Variants in CAPRIN1 observed in about 807,000 individuals in gnomAD.
CAPRIN1 encodes cell cycle associated protein 1, also known as caprin-1.
CAPRIN1 carries 29 observed loss-of-function variants against 100.9 expected under a neutral mutation model. The ratio of observed to expected loss-of-function variants is 0.29; its 90% CI spans 0.21 to 0.39. The LOEUF is 0.39. Among genes scored for constraint, CAPRIN1 ranks in the 10% least tolerant of loss-of-function variants. The probability of loss-of-function intolerance (pLI) is 1.00; values close to 1 mark genes in which losing one functional copy is unlikely to be tolerated. For missense variants in CAPRIN1, 795 were observed against 876.7 expected (o/e 0.91, Z 1.18); for synonymous variants, 338 against 307.5 (o/e 1.10, Z -1.04).
At position 34,100,740 on chromosome 11, in the gene CAPRIN1, A is replaced by G. The variant is rs1337467950; in HGVS notation, c.*1373A>G. 2 of 152,614 alleles carry G rather than the reference A, an allele frequency of 1.3e-5. No homozygotes were observed. The highest frequency in any genetic ancestry group is 2.9e-5 in the Non-Finnish European group (2 of 68,024). The allele number at this position is 152,614 out of a possible 1,614,324, so 9.5% of individuals were successfully genotyped here. A position where few individuals can be genotyped will look rare whatever the true frequency, so the allele number is the denominator to read the frequency against. On this transcript the variant is annotated 3_prime_UTR_variant, in exon 19 of 19. Transcript: ENST00000341394. ...GGGAGAGTCTCTAAATTTGATGGAA[A>G]TGGACACTTGAGTAGTGACTTAGCC... is the stretch of plus-strand genomic sequence containing the variant.
intron 2 of CAPRIN1, among the ~76,000 whole-genome samples, chr11:34,069,155 T>G (rs1277851209): frequency 2.6e-5 from 4 of 151,348 alleles, no homozygotes; most frequent in Admixed American, 1.3e-4. Flanking sequence ...TATTTAGTTT[T>G]TTTTTTTTTT....
chr11:34,081,262 G>A (rs1376167537), intron 7 of CAPRIN1, among the ~76,000 whole-genome samples: 1 of 150,272 alleles, frequency 6.7e-6, no homozygotes, highest in African/African-American at 2.5e-5. Context: ...GTGCAGTGGT[G>A]TGATCCTGAC....
chr11:34,068,811 A>G (rs539769054), intron 2 of CAPRIN1, among the ~76,000 whole-genome samples: 1 of 152,084 alleles, frequency 6.6e-6, no homozygotes, highest in Admixed American at 6.6e-5. Context: ...TTTTATATTT[A>G]TTTTCATCGC....
chr11:34,054,687 A>G (rs1236911935), intron 2 of CAPRIN1, among the ~76,000 whole-genome samples: 2 of 152,196 alleles, frequency 1.3e-5, no homozygotes, highest in South Asian at 4.1e-4. Flanking sequence ...TTGGTCTTCC[A>G]AAGTGCTGTT....
At position 34,102,426 on chromosome 11, in the gene CAPRIN1, C is replaced by T. The variant is rs1851466473; in HGVS notation, c.*3059C>T. On this transcript the variant is annotated 3_prime_UTR_variant, in exon 19 of 19. Coordinates refer to ENST00000341394, the MANE Select transcript of CAPRIN1 (RefSeq NM_005898.5). ...TTAGTTGATTATAAGTTAGATTTCACAGAATCAGTATTGCCCTTGATCTTG... is the reference window on the plus strand; with the variant it reads ...TTAGTTGATTATAAGTTAGATTTCATAGAATCAGTATTGCCCTTGATCTTG... Among the ~76,000 whole-genome samples the T allele has an allele frequency of 6.6e-6, 1 of 152,182 alleles. No individual in the cohort carries two copies. Among genetic ancestry groups the T allele is most frequent in the Non-Finnish European group, 1.5e-5 (1 of 68,022 alleles).
intron 9 of CAPRIN1, among the ~76,000 whole-genome samples, chr11:34,085,638 C>T (rs963358848): frequency 2.0e-5 from 3 of 151,804 alleles, no homozygotes; most frequent in South Asian, 2.1e-4. Context: ...ACCCTGTCTC[C>T]GCTAAAAATA....
chr11:34,079,843 T>G, intron 7 of CAPRIN1, 78 bp downstream of exon 7: 8 of 1,350,520 alleles, frequency 5.9e-6, no homozygotes, highest in Non-Finnish European at 8.1e-6. Flanking sequence ...AACTATACAC[T>G]TACTTAGTTT....
At chr11:34,083,872 A>T (rs1851080554) in intron 9 of CAPRIN1, among the ~76,000 whole-genome samples, 1 of 152,180 alleles carries the variant, frequency 6.6e-6, no homozygotes, top group Non-Finnish European at 1.5e-5. Flanking sequence ...GTTAGAGACC[A>T]GCCTGGCCAG....
At chr11:34,058,201 A>G (rs1189496853) in intron 2 of CAPRIN1, among the ~76,000 whole-genome samples, 2 of 151,918 alleles carry the variant, frequency 1.3e-5, no homozygotes, top group Admixed American at 6.6e-5. Flanking sequence ...CAGTGGTGCA[A>G]TCTCAGCTCA....
chr11:34,065,539 C>T (rs576912133), intron 2 of CAPRIN1, among the ~76,000 whole-genome samples: 2 of 152,178 alleles, frequency 1.3e-5, no homozygotes, highest in African/African-American at 4.8e-5. Flanking sequence ...GCTGATGTTG[C>T]TGGTTTGGGG....
intron 2 of CAPRIN1, among the ~76,000 whole-genome samples, chr11:34,055,500 G>T (rs899209778): frequency 6.6e-6 from 1 of 152,106 alleles, no homozygotes; most frequent in Non-Finnish European, 1.5e-5. Flanking sequence ...ACTAATTTTT[G>T]TATTTTTAGT....
intron 2 of CAPRIN1, chr11:34,052,940 G>A (rs1850359542): frequency 1.6e-6 from 2 of 1,229,490 alleles, no homozygotes; most frequent in East Asian, 5.0e-5. Context: ...TGAGGGTGGG[G>A]GCCTGTCGTC....
At chr11:34,052,958 C>A (rs2134075848) in intron 2 of CAPRIN1, 2 of 1,177,604 alleles carry the variant, frequency 1.7e-6, no homozygotes, top group East Asian at 6.3e-5. Context: ...GTCAGGACTT[C>A]ACTGTATGGT....
Position 34,086,430 on chromosome 11 carries a change from T to A in CAPRIN1, c.1231+17T>A. ...GCCCTCCAGGTTAGTAGTGGTACAT[T>A]TTTATGTGAGAGAGAAATATAAGGC... On this transcript the variant is annotated intron_variant, in intron 11 of 18. Transcript: ENST00000341394. 1.4e-6 allele frequency: 2 copies of A among 1,432,112 alleles called. No individual in the cohort carries two copies. The highest frequency in any genetic ancestry group is 1.9e-6 in the Non-Finnish European group (2 of 1,032,228). 88.7% of individuals were successfully genotyped at this position (1,432,112 alleles called of 1,614,324 possible).
intron 9 of CAPRIN1, 85 bp from the exon 10 acceptor site, chr11:34,085,979 T>C: frequency 9.5e-7 from 1 of 1,050,472 alleles, no homozygotes; most frequent in Non-Finnish European, 1.4e-6. Context: ...AGATGGTTTA[T>C]GTAGTGTGGG....
At chr11:34,077,241 G>A (rs1216107636) in intron 6 of CAPRIN1, among the ~76,000 whole-genome samples, 3 of 152,182 alleles carry the variant, frequency 2.0e-5, no homozygotes, top group Admixed American at 6.5e-5. Context: ...TAACTTAACT[G>A]TGTTTGAGGT....
chr11:34,066,189 T>A (rs1397468143), intron 2 of CAPRIN1, among the ~76,000 whole-genome samples: 2 of 152,172 alleles, frequency 1.3e-5, no homozygotes. Flanking sequence ...TTGCCTGGGC[T>A]GGTCTTGAAC....
rs141275612 is a variant in CAPRIN1, at chr11:34,070,235, G to A, written c.217-1491G>A. 5.9e-3 allele frequency among the ~76,000 whole-genome samples: 905 copies of A among 152,202 alleles called. 7 individuals carry two copies. Among genetic ancestry groups the A allele is most frequent in the African/African-American group, 0.021 (852 of 41,516 alleles). On this transcript the variant is annotated intron_variant, in intron 2 of 18. Transcript: ENST00000341394. ...AAGTTTTAATCTTAGCAAGAAAATGGGATCTTAAACCAGATGTTAGTTTTC... is the reference window on the plus strand; with the variant it reads ...AAGTTTTAATCTTAGCAAGAAAATGAGATCTTAAACCAGATGTTAGTTTTC...
intron 2 of CAPRIN1, among the ~76,000 whole-genome samples, chr11:34,070,367 C>T (rs1025698522): frequency 8.5e-5 from 13 of 152,156 alleles, no homozygotes; most frequent in African/African-American, 2.7e-4. Context: ...AGACAATATG[C>T]CCATGAGTTT....
Sources: allele counts gnomAD v4.1 joint callset (sites outside exome capture counted in the v4.1 genomes callset), GRCh38; gene constraint gnomAD v4.1.1; transcripts MANE v1.5; gene names NCBI Gene and HGNC (gene_info 2026-07-23, HGNC 2026-07-21).